The following DLEU7 variants were observed in gnomAD, a reference collection of about 807,000 sequenced individuals.
DLEU7 encodes deleted in lymphocytic leukemia 7, also known as leukemia-associated protein 7.
A neutral mutation model predicts 16.0 loss-of-function variants in DLEU7; 17 were observed. The observed-to-expected ratio is 1.06, with a 90% CI of 0.73 to 1.59. DLEU7 has a LOEUF of 1.59. Ranked by LOEUF, DLEU7 falls within the 40% of genes most tolerant of loss-of-function variation. The probability of loss-of-function intolerance (pLI) is 0.00; values close to 1 mark genes in which losing one functional copy is unlikely to be tolerated. For missense variants in DLEU7, 308 were observed against 314.9 expected (o/e 0.98, Z 0.17); for synonymous variants, 113 against 139.8 (o/e 0.81, Z 1.35).
chr13:50,796,552 G>A (rs1430473566), intron 1 of DLEU7, among the ~76,000 whole-genome samples: 1 of 152,082 alleles, frequency 6.6e-6, no homozygotes, highest in African/African-American at 2.4e-5. Flanking sequence ...TAATCTTTTT[G>A]AATTGCAGTT....
intron 1 of DLEU7, among the ~76,000 whole-genome samples, chr13:50,755,846 G>A (rs540987036): frequency 5.3e-4 from 80 of 152,236 alleles, no homozygotes; most frequent in African/African-American, 1.6e-3. Context: ...GGTAGGCTCC[G>A]TCAGAGGCAA....
At chr13:50,762,868 G>A (rs1874980680) in intron 1 of DLEU7, among the ~76,000 whole-genome samples, 1 of 150,968 alleles carries the variant, frequency 6.6e-6, no homozygotes, top group South Asian at 2.1e-4. Context: ...ATCCAGGAAA[G>A]ATCTGCATCC....
chr13:50,759,463 A>G (rs1045705097), intron 1 of DLEU7, among the ~76,000 whole-genome samples: 2 of 152,124 alleles, frequency 1.3e-5, no homozygotes, highest in African/African-American at 2.4e-5. Context: ...TAAAGACTTC[A>G]GAGGTCTATA....
chr13:50,762,800 GAAA>G (rs34858154), intron 1 of DLEU7, among the ~76,000 whole-genome samples: 4 of 119,318 alleles, frequency 3.4e-5, no homozygotes, highest in Non-Finnish European at 5.4e-5. Context: ...TATTGTGCTA[GAAA>G]AAAAAAAAAA....
intron 1 of DLEU7, among the ~76,000 whole-genome samples, chr13:50,728,216 G>A (rs1873819987): frequency 6.6e-6 from 1 of 152,072 alleles, no homozygotes; most frequent in African/African-American, 2.4e-5. Flanking sequence ...GTCGGGGGTG[G>A]GAATGGGTGT....
At chr13:50,833,614 C>T (rs1593416028) in intron 1 of DLEU7, among the ~76,000 whole-genome samples, 1 of 152,262 alleles carries the variant, frequency 6.6e-6, no homozygotes, top group East Asian at 1.9e-4. Context: ...GGTCATACTG[C>T]CCAAGGTAAT....
At chr13:50,728,944 G>A (rs1419824114) in intron 1 of DLEU7, among the ~76,000 whole-genome samples, 2 of 152,040 alleles carry the variant, frequency 1.3e-5, no homozygotes, top group African/African-American at 2.4e-5. Context: ...GGTGAGGTTT[G>A]GGGCAATGAC....
chr13:50,733,566 G>A (rs375085630), intron 1 of DLEU7, among the ~76,000 whole-genome samples: 51 of 151,808 alleles, frequency 3.4e-4, no homozygotes, highest in Middle Eastern at 3.4e-3. Flanking sequence ...CTCCCCACTC[G>A]TTAAGGGGGG....
intron 1 of DLEU7, among the ~76,000 whole-genome samples, chr13:50,781,831 T>C (rs2137765961): frequency 6.6e-6 from 1 of 152,316 alleles, no homozygotes; most frequent in East Asian, 1.9e-4. Flanking sequence ...TATTTGCAAA[T>C]ATTTGTGAGA....
chr13:50,761,276 A>T (rs192969739), intron 1 of DLEU7, among the ~76,000 whole-genome samples: 119 of 152,374 alleles, frequency 7.8e-4, no homozygotes, highest in African/African-American at 2.7e-3. Context: ...GGAAGGTGTC[A>T]GCTGAAGTTC....
chr13:50,796,530 C>G (rs1265465449), intron 1 of DLEU7, among the ~76,000 whole-genome samples: 1 of 152,150 alleles, frequency 6.6e-6, no homozygotes, highest in Non-Finnish European at 1.5e-5. Flanking sequence ...TTCATTTCTG[C>G]AATTTTCCAT....
intron 1 of DLEU7, among the ~76,000 whole-genome samples, chr13:50,804,265 A>C (rs1003114671): frequency 1.3e-5 from 2 of 151,888 alleles, no homozygotes; most frequent in Non-Finnish European, 2.9e-5. Context: ...TGATATTCTT[A>C]TAGGACCTGT....
Position 50,843,622 on chromosome 13 carries a change from C to A in DLEU7, c.25G>T (p.Ala9Ser), listed in dbSNP as rs571242579. ...GCCACCATTTGGTGGCTGATGGAGG[C>A]CACTAAGGGCGCAGGGCTGGCCATC... MASPAPLV[A>S]SISHQMVALQ... Residue 9 changes from alanine (A) to serine (S), a missense_variant, in exon 1 of 2, where the codon GCC becomes TCC. Physicochemically the swap from Ala to Ser is moderately conservative, Grantham distance 99. Transcript: ENST00000504404. The surrounding 1 kb of genome is among the most constrained non-coding windows in gnomAD (Gnocchi z 5.7). 4.9e-5 allele frequency: 74 copies of A among 1,511,654 alleles called. 2 individuals carry two copies. In the African/African-American group the frequency reaches 6.3e-4, roughly 13 times the overall value. 93.6% of individuals were successfully genotyped at this position (1,511,654 alleles called of 1,614,324 possible). A position where few individuals can be genotyped will look rare whatever the true frequency, so the allele number is the denominator to read the frequency against.
intron 1 of DLEU7, among the ~76,000 whole-genome samples, chr13:50,795,061 C>A (rs111662777): frequency 8.5e-6 from 1 of 117,534 alleles, no homozygotes; most frequent in Non-Finnish European, 1.8e-5. Context: ...GCTTCAAAAA[C>A]ACACAAAATG....
intron 1 of DLEU7, among the ~76,000 whole-genome samples, chr13:50,798,402 G>T (rs1300046232): frequency 6.6e-6 from 1 of 152,170 alleles, no homozygotes; most frequent in African/African-American, 2.4e-5. Context: ...CCTTTGTCCA[G>T]TGGGACATAC....
At chr13:50,734,396 C>A (rs1295406260) in intron 1 of DLEU7, among the ~76,000 whole-genome samples, 3 of 152,114 alleles carry the variant, frequency 2.0e-5, no homozygotes, top group African/African-American at 7.2e-5. Flanking sequence ...CCTAATTTTA[C>A]TCATATTGGC....
chr13:50,812,776 G>A (rs1876607882), intron 1 of DLEU7, among the ~76,000 whole-genome samples: 1 of 151,910 alleles, frequency 6.6e-6, no homozygotes, highest in Non-Finnish European at 1.5e-5. Flanking sequence ...TTATACATAT[G>A]TATGTATATG....
At chr13:50,787,494 G>A (rs78971627) in intron 1 of DLEU7, among the ~76,000 whole-genome samples, 2,489 of 152,074 alleles carry the variant, frequency 0.016, 59 homozygotes, top group African/African-American at 0.057. Flanking sequence ...ATCAAAGGGC[G>A]GCACCCCTCA....
intron 1 of DLEU7, among the ~76,000 whole-genome samples, chr13:50,826,285 A>G (rs1877084176): frequency 6.6e-6 from 1 of 152,146 alleles, no homozygotes; most frequent in Admixed American, 6.5e-5. Flanking sequence ...TTCATGGCCC[A>G]GGGGTTAGGG....
Sources: allele counts gnomAD v4.1 joint callset (sites outside exome capture counted in the v4.1 genomes callset), GRCh38; gene constraint gnomAD v4.1.1; non-coding constraint Gnocchi (gnomAD v3.1); transcripts MANE v1.5; gene names NCBI Gene and HGNC (gene_info 2026-07-23, HGNC 2026-07-21).